Variants in CLASP1 observed in about 807,000 individuals in gnomAD.
CLASP1 encodes the protein CLIP-associating protein 1.
CLASP1 carries 38 observed loss-of-function variants against 192.3 expected under a neutral mutation model. That is an observed-to-expected ratio of 0.20 (90% CI 0.15 to 0.26). The LOEUF (loss-of-function observed/expected upper bound fraction) is 0.26, where lower values mean the gene tolerates loss of function less well. Among genes scored for constraint, CLASP1 ranks in the 10% least tolerant of loss-of-function variants. The pLI, the probability that CLASP1 is intolerant of heterozygous loss-of-function variation, is 1.00. For missense variants in CLASP1, 1,433 were observed against 1,932.5 expected (o/e 0.74, Z 4.85); for synonymous variants, 691 against 712.8 (o/e 0.97, Z 0.49).
At chr2:121,425,336 A>G in intron 21 of CLASP1, 30 bp from the exon 22 acceptor site, 1 of 1,598,420 alleles carries the variant, frequency 6.3e-7, no homozygotes, top group Non-Finnish European at 8.5e-7. Context: ...ACAATGAATA[A>G]TAGATGTAAA....
intron 14 of CLASP1, among the ~76,000 whole-genome samples, chr2:121,452,348 A>T (rs959531490): frequency 6.6e-6 from 1 of 152,184 alleles, no homozygotes; most frequent in Non-Finnish European, 1.5e-5. Flanking sequence ...ATTTTCTCCA[A>T]CTACTTTGCT....
chr2:121,425,259 C>A (rs1209091674), exon 22 of CLASP1: 1 of 1,612,912 alleles, frequency 6.2e-7, no homozygotes, highest in Non-Finnish European at 8.5e-7. Flanking sequence ...GTAAGTCCAC[C>A]ATAACCACTT....
At chr2:121,363,826 G>A (rs1291674566) in intron 36 of CLASP1, among the ~76,000 whole-genome samples, 1 of 152,122 alleles carries the variant, frequency 6.6e-6, no homozygotes, top group Non-Finnish European at 1.5e-5. Flanking sequence ...CCTCGAGTTG[G>A]TTAAGGCCAG....
chr2:121,510,605 C>G (rs1023532360), intron 7 of CLASP1, among the ~76,000 whole-genome samples: 5 of 152,166 alleles, frequency 3.3e-5, no homozygotes, highest in Non-Finnish European at 7.4e-5. Flanking sequence ...TGAGACCAGC[C>G]TGGGCAACAT....
At chr2:121,377,995 G>A (rs1423444501) in intron 33 of CLASP1, among the ~76,000 whole-genome samples, 1 of 152,136 alleles carries the variant, frequency 6.6e-6, no homozygotes, top group Non-Finnish European at 1.5e-5. Context: ...ATGGAAAAAA[G>A]GAGTTTGGTT....
chr2:121,507,770 CAAT>C (rs982439615), intron 7 of CLASP1, among the ~76,000 whole-genome samples: 1 of 152,092 alleles, frequency 6.6e-6, no homozygotes, highest in African/African-American at 2.4e-5. Flanking sequence ...TTCAAAGCAA[CAAT>C]GGAGAACCCA....
chr2:121,527,749 G>T (rs771997924), intron 5 of CLASP1, 50 bp downstream of exon 5: 20 of 1,385,610 alleles, frequency 1.4e-5, no homozygotes, highest in African/African-American at 2.9e-5. Flanking sequence ...AAAATAAAAA[G>T]TTTTAAAAAA....
intron 6 of CLASP1, among the ~76,000 whole-genome samples, chr2:121,524,935 G>A (rs549449107): frequency 4.6e-5 from 7 of 152,198 alleles, no homozygotes; most frequent in Non-Finnish European, 7.4e-5. Context: ...TAAGGAAAGG[G>A]CCTGGAGAGC....
chr2:121,352,560 G>C (rs988696738), intron 37 of CLASP1, among the ~76,000 whole-genome samples: 11 of 152,344 alleles, frequency 7.2e-5, no homozygotes, highest in Non-Finnish European at 1.3e-4. Flanking sequence ...CAGCCTCTGA[G>C]AGAAGCACAG....
intron 1 of CLASP1, among the ~76,000 whole-genome samples, chr2:121,617,799 C>T (rs545288987): frequency 1.3e-5 from 2 of 152,342 alleles, no homozygotes; most frequent in South Asian, 4.1e-4. Context: ...CCTCACACTG[C>T]TCACTCCAAA....
chr2:121,560,944 G>A (rs1014109821), intron 2 of CLASP1, among the ~76,000 whole-genome samples: 3 of 152,002 alleles, frequency 2.0e-5, no homozygotes, highest in African/African-American at 7.3e-5. Flanking sequence ...TTTTGAGACG[G>A]AGCCCAGGCT....
exon 36 of CLASP1, chr2:121,365,173 C>T (rs781225663): frequency 1.8e-5 from 29 of 1,613,846 alleles, no homozygotes; most frequent in Non-Finnish European, 2.4e-5. Flanking sequence ...GCTGTCTTCC[C>T]GCGTGATCTT....
chr2:121,585,567 A>C (rs1202489413), intron 2 of CLASP1, among the ~76,000 whole-genome samples: 6 of 152,116 alleles, frequency 3.9e-5, no homozygotes, highest in Non-Finnish European at 1.5e-5. Flanking sequence ...AAACAGATCA[A>C]TTTTCCTTAT....
intron 21 of CLASP1, among the ~76,000 whole-genome samples, chr2:121,426,443 G>A (rs1399480070): frequency 2.0e-5 from 3 of 152,064 alleles, no homozygotes; most frequent in Admixed American, 6.5e-5. Flanking sequence ...AAGACCTCAC[G>A]GAAAGACTAA....
At chr2:121,362,786 T>C (rs926332462) in intron 37 of CLASP1, among the ~76,000 whole-genome samples, 2 of 152,256 alleles carry the variant, frequency 1.3e-5, no homozygotes, top group African/African-American at 4.8e-5. Flanking sequence ...GCATTGGTTC[T>C]GGGACTTGCA....
intron 14 of CLASP1, among the ~76,000 whole-genome samples, chr2:121,457,108 G>A (rs935713647): frequency 6.6e-6 from 1 of 152,088 alleles, no homozygotes; most frequent in African/African-American, 2.4e-5. Context: ...TATAAGATAG[G>A]GACTTGGGAA....
chr2:121,397,979 A>AT (rs2075569763), intron 29 of CLASP1, among the ~76,000 whole-genome samples: 1 of 152,208 alleles, frequency 6.6e-6, no homozygotes, highest in South Asian at 2.1e-4. Context: ...GAATGTCTTA[A>AT]TTTTCTAGTT....
intron 1 of CLASP1, among the ~76,000 whole-genome samples, chr2:121,631,156 C>T (rs2069531267): frequency 1.3e-4 from 2 of 15,470 alleles, no homozygotes; most frequent in Non-Finnish European, 2.4e-4. Context: ...GAGACTCCAG[C>T]TCAAAAAAAA....
chr2:121,347,170 G>C lies in CLASP1; in HGVS notation c.4414-16C>G, dbSNP rs1198592150. Reference sequence around the variant, plus strand: ...TGTCATAACCCTAGAGAGCCAGAAGGGAACACGAAAAGGAAACCAGATCAA... The same window carrying C: ...TGTCATAACCCTAGAGAGCCAGAAGCGAACACGAAAAGGAAACCAGATCAA... On this transcript the variant is annotated splice_polypyrimidine_tract_variant and intron_variant, in intron 38 of 39. Coordinates refer to ENST00000263710, the Ensembl canonical transcript of CLASP1. 1 of 1,517,214 alleles carries C rather than the reference G, an allele frequency of 6.6e-7. No individual in the cohort carries two copies. The highest frequency in any genetic ancestry group is 1.9e-5 in the Admixed American group (1 of 51,506). The allele number at this position is 1,517,214 out of a possible 1,614,324, so 94.0% of individuals were successfully genotyped here. A position where few individuals can be genotyped will look rare whatever the true frequency, so the allele number is the denominator to read the frequency against.
Sources: allele counts gnomAD v4.1 joint callset (sites outside exome capture counted in the v4.1 genomes callset), GRCh38; gene constraint gnomAD v4.1.1; transcripts MANE v1.5; gene names NCBI Gene and HGNC (gene_info 2026-07-23, HGNC 2026-07-21).